The following HES7 variants were observed in gnomAD, a reference collection of about 807,000 sequenced individuals.
HES7 encodes the protein hes family bHLH transcription factor 7.
In HES7, 8 loss-of-function variants were observed where a neutral mutation model predicts 18.0. The observed-to-expected ratio is 0.45, with a 90% confidence interval of 0.26 to 0.80. The LOEUF is 0.80. Among genes scored for constraint, HES7 ranks in the 30% least tolerant of loss-of-function variants. The pLI, the probability that HES7 is intolerant of heterozygous loss-of-function variation, is 0.18. For missense variants in HES7, 356 were observed against 340.9 expected (o/e 1.04, Z -0.35); for synonymous variants, 170 against 158.6 (o/e 1.07, Z -0.54).
At chr17:8,125,755 G>T (rs571795253), upstream of HES7, among the ~76,000 whole-genome samples, 2 of 152,326 alleles carry the variant, frequency 1.3e-5, no homozygotes, top group Admixed American at 6.5e-5. Flanking sequence ...CGCATTGGTG[G>T]TTCAGTGGTA....
At position 8,122,481 on chromosome 17, in the gene HES7, G is replaced by A. The variant is rs1006983224; in HGVS notation, c.139-51C>T. On this transcript the variant is annotated intron_variant, in intron 2 of 3. Coordinates refer to ENST00000541682, the MANE Select transcript of HES7 (RefSeq NM_001165967.2). This position sits in a 1 kb window ranked among gnomAD's most constrained non-coding sequence, Gnocchi z 6.9. ...AGACAGAAAGGGGTGGGGAGAAAGGGGGAAAGTGGCAGGGGGAAGAAGGGA... is the reference window on the plus strand; with the variant it reads ...AGACAGAAAGGGGTGGGGAGAAAGGAGGAAAGTGGCAGGGGGAAGAAGGGA... The A allele has an allele frequency of 1.5e-6, 2 of 1,307,436 alleles. No homozygotes were observed. The highest frequency in any genetic ancestry group is 2.2e-6 in the Non-Finnish European group (2 of 925,894). The allele number at this position is 1,307,436 out of a possible 1,614,324, so 81.0% of individuals were successfully genotyped here. A position where few individuals can be genotyped will look rare whatever the true frequency, so the allele number is the denominator to read the frequency against.
chr17:8,121,449 G>A lies in HES7; in HGVS notation c.*122C>T. 1.4e-6 allele frequency: 1 copy of A among 728,394 alleles called. No homozygotes were observed. The highest frequency in any genetic ancestry group is 1.9e-6 in the Non-Finnish European group (1 of 521,542). The allele number at this position is 728,394 out of a possible 1,614,324, so 45.1% of individuals were successfully genotyped here. Reference sequence around the variant, plus strand: ...ATAGACCACATCTCACCCGCGCGCTGAGCCCGCGCGCCCCACTGCCCTCCC... The same window carrying A: ...ATAGACCACATCTCACCCGCGCGCTAAGCCCGCGCGCCCCACTGCCCTCCC... On this transcript the variant is annotated 3_prime_UTR_variant, in exon 4 of 4. Transcript: ENST00000541682.
At position 8,123,278 on chromosome 17, in the gene HES7, G is replaced by A. The variant is rs370580036; in HGVS notation, c.43-152C>T. On this transcript the variant is annotated intron_variant, in intron 1 of 3. Transcript: ENST00000541682. The surrounding 1 kb of genome is among the most constrained non-coding windows in gnomAD (Gnocchi z 5.9). ...GGCCGGCCCCATTCGATCCCTCTCCGCTCCCCCTCCCAATGCCCCTAGATC... is the reference window on the plus strand; with the variant it reads ...GGCCGGCCCCATTCGATCCCTCTCCACTCCCCCTCCCAATGCCCCTAGATC... 1 of 655,540 alleles carries A rather than the reference G, an allele frequency of 1.5e-6. No homozygotes were observed. Among genetic ancestry groups the A allele is most frequent in the South Asian group, 1.6e-5 (1 of 62,058 alleles). 40.6% of individuals were successfully genotyped at this position (655,540 alleles called of 1,614,324 possible). A position where few individuals can be genotyped will look rare whatever the true frequency, so the allele number is the denominator to read the frequency against.
upstream of HES7, among the ~76,000 whole-genome samples, chr17:8,126,591 G>T (rs1041938511): frequency 2.6e-5 from 4 of 152,194 alleles, no homozygotes; most frequent in Non-Finnish European, 5.9e-5. Flanking sequence ...GAGGGCGGGC[G>T]GGTGGGCGCA....
chr17:8,122,447 A>T lies in HES7; in HGVS notation c.139-17T>A. The T allele has an allele frequency of 6.7e-7, 1 of 1,498,000 alleles. No homozygotes were observed. Among genetic ancestry groups the T allele is most frequent in the Non-Finnish European group, 9.1e-7 (1 of 1,096,774 alleles). The allele number at this position is 1,498,000 out of a possible 1,614,324, so 92.8% of individuals were successfully genotyped here. A position where few individuals can be genotyped will look rare whatever the true frequency, so the allele number is the denominator to read the frequency against. ...CCGGAGGTTCTACAGACGGGAGGGG[A>T]GGGCGCAGAGACAGAAAGGGGTGGG... On this transcript the variant is annotated splice_polypyrimidine_tract_variant and intron_variant, in intron 2 of 3. Coordinates refer to ENST00000541682, the MANE Select transcript of HES7 (RefSeq NM_001165967.2). The surrounding 1 kb of genome is among the most constrained non-coding windows in gnomAD (Gnocchi z 6.9).
At chr17:8,125,812 A>C (rs1476451519), upstream of HES7, among the ~76,000 whole-genome samples, 2 of 152,214 alleles carry the variant, frequency 1.3e-5, no homozygotes, top group African/African-American at 4.8e-5. Context: ...TTCCCGGCCA[A>C]TGCACGAGTA....
At position 8,121,465 on chromosome 17, in the gene HES7, C is replaced by G. The variant is rs905830986; in HGVS notation, c.*106G>C. On this transcript the variant is annotated 3_prime_UTR_variant, in exon 4 of 4. Coordinates refer to ENST00000541682, the MANE Select transcript of HES7 (RefSeq NM_001165967.2). The stretch of plus-strand genomic sequence containing the variant: ...CCGCGCGCTGAGCCCGCGCGCCCCA[C>G]TGCCCTCCCCAACACCTGCTCGCCC... 2 of 1,011,344 alleles carry G rather than the reference C, an allele frequency of 2.0e-6. No homozygotes were observed. The highest frequency in any genetic ancestry group is 8.5e-5 in the Admixed American group (2 of 23,508). The allele number at this position is 1,011,344 out of a possible 1,614,324, so 62.6% of individuals were successfully genotyped here. A position where few individuals can be genotyped will look rare whatever the true frequency, so the allele number is the denominator to read the frequency against.
chr17:8,122,047 C>A lies in HES7; in HGVS notation c.227-10G>T. 1 of 1,496,130 alleles carries A rather than the reference C, an allele frequency of 6.7e-7. No homozygotes were observed. 92.7% of individuals were successfully genotyped at this position (1,496,130 alleles called of 1,614,324 possible). On this transcript the variant is annotated splice_polypyrimidine_tract_variant and intron_variant, in intron 3 of 3. Transcript: ENST00000541682. This position sits in a 1 kb window ranked among gnomAD's most constrained non-coding sequence, Gnocchi z 6.9. ...CCTGGAGCCGCGGCGGCTGGTGCGG[C>A]CGGCGGGAGCACAGGTGGGCAGGGC... is the stretch of plus-strand genomic sequence containing the variant.
At position 8,122,570 on chromosome 17, in the gene HES7, A is replaced by G; in HGVS notation, c.139-140T>C. On this transcript the variant is annotated intron_variant, in intron 2 of 3. Coordinates refer to ENST00000541682, the MANE Select transcript of HES7 (RefSeq NM_001165967.2). This position sits in a 1 kb window ranked among gnomAD's most constrained non-coding sequence, Gnocchi z 6.9. ...TTGCGCACTGCCCACAGAACGCGCG[A>G]CCAAATGCGGAGTGGAGATGACCAA... The G allele has an allele frequency of 1.5e-6, 1 of 676,512 alleles. No homozygotes were observed. The highest frequency in any genetic ancestry group is 2.7e-6 in the Non-Finnish European group (1 of 373,772). The allele number at this position is 676,512 out of a possible 1,614,324, so 41.9% of individuals were successfully genotyped here.
At position 8,122,559 on chromosome 17, in the gene HES7, C is replaced by G; in HGVS notation, c.139-129G>C. The G allele has an allele frequency of 1.4e-6, 1 of 701,470 alleles. No individual in the cohort carries two copies. Among genetic ancestry groups the G allele is most frequent in the Non-Finnish European group, 2.5e-6 (1 of 394,836 alleles). 43.5% of individuals were successfully genotyped at this position (701,470 alleles called of 1,614,324 possible). A position where few individuals can be genotyped will look rare whatever the true frequency, so the allele number is the denominator to read the frequency against. ...CCCGATCGCATTTGCGCACTGCCCA[C>G]AGAACGCGCGACCAAATGCGGAGTG... On this transcript the variant is annotated intron_variant, in intron 2 of 3. Coordinates refer to ENST00000541682, the MANE Select transcript of HES7 (RefSeq NM_001165967.2). This position sits in a 1 kb window ranked among gnomAD's most constrained non-coding sequence, Gnocchi z 6.9.
At position 8,121,651 on chromosome 17, in the gene HES7, G is replaced by A. The variant is rs1981329484; in HGVS notation, c.613C>T (p.Pro205Ser). The stretch of plus-strand genomic sequence containing the variant: ...CCGTCTTGTCTGTGAGGCGGCGGTG[G>A]CGGCGGCAGCAGTCCGGTGAGGGGC... ...PAPLTGLLPP[P>S]PPPHRQDGAP... Residue 205 changes from proline (P) to serine (S), a missense_variant, in exon 4 of 4, where the codon CCA becomes TCA. Pro to Ser is a moderately conservative substitution (Grantham distance 74). Transcript: ENST00000541682. The A allele has an allele frequency of 9.1e-6, 12 of 1,321,028 alleles. 1 individual carries two copies. In the East Asian group the frequency reaches 3.1e-4, roughly 34 times the overall value. 81.8% of individuals were successfully genotyped at this position (1,321,028 alleles called of 1,614,324 possible).
At chr17:8,126,355 C>T (rs1224167950), upstream of HES7, among the ~76,000 whole-genome samples, 2 of 152,208 alleles carry the variant, frequency 1.3e-5, no homozygotes, top group Non-Finnish European at 2.9e-5. Context: ...TCTCCTCCCT[C>T]CGCATCTCTG....
At position 8,122,838 on chromosome 17, in the gene HES7, G is replaced by A. The variant is rs2151854215; in HGVS notation, c.138+193C>T. On this transcript the variant is annotated intron_variant, in intron 2 of 3. Coordinates refer to ENST00000541682, the MANE Select transcript of HES7 (RefSeq NM_001165967.2). This position sits in a 1 kb window ranked among gnomAD's most constrained non-coding sequence, Gnocchi z 6.9. ...TACAGAACCAGGCGTGAAACTTACA[G>A]ACCCGAGGGGTGGCGAAGAAGATCG... Among the ~76,000 whole-genome samples the A allele has an allele frequency of 6.6e-6, 1 of 152,278 alleles. No individual in the cohort carries two copies. Among genetic ancestry groups the A allele is most frequent in the Middle Eastern group, 3.4e-3 (1 of 294 alleles).
Position 8,123,299 on chromosome 17 carries a change from A to G in HES7, c.43-173T>C, listed in dbSNP as rs928161530. On this transcript the variant is annotated intron_variant, in intron 1 of 3. Transcript: ENST00000541682. This position sits in a 1 kb window ranked among gnomAD's most constrained non-coding sequence, Gnocchi z 5.9. Reference sequence around the variant, plus strand: ...CTCCGCTCCCCCTCCCAATGCCCCTAGATCAGTTTCTGTAGCTCGCCTCCC... The same window carrying G: ...CTCCGCTCCCCCTCCCAATGCCCCTGGATCAGTTTCTGTAGCTCGCCTCCC... The G allele has an allele frequency of 1.1e-5, 7 of 627,072 alleles. No individual in the cohort carries two copies. Among genetic ancestry groups the G allele is most frequent in the African/African-American group, 1.8e-5 (1 of 54,382 alleles). The allele number at this position is 627,072 out of a possible 1,614,324, so 38.8% of individuals were successfully genotyped here. A position where few individuals can be genotyped will look rare whatever the true frequency, so the allele number is the denominator to read the frequency against.
At position 8,120,954 on chromosome 17, in the gene HES7, G is replaced by C. The variant is rs1044961511; in HGVS notation, c.*617C>G. The C allele has an allele frequency of 6.5e-6, 1 of 152,696 alleles. No homozygotes were observed. Among genetic ancestry groups the C allele is most frequent in the Non-Finnish European group, 1.5e-5 (1 of 68,058 alleles). 9.5% of individuals were successfully genotyped at this position (152,696 alleles called of 1,614,324 possible). A position where few individuals can be genotyped will look rare whatever the true frequency, so the allele number is the denominator to read the frequency against. ...CTGTGGCGCAATGGATAGCGCATTG[G>C]ACTTCTAGTGACGAATAGAGCAATT... On this transcript the variant is annotated 3_prime_UTR_variant, in exon 4 of 4. Coordinates refer to ENST00000541682, the MANE Select transcript of HES7 (RefSeq NM_001165967.2).
rs1981330810 is a variant in HES7 at position 8,121,663 on chromosome 17, G to A, written c.601C>T (p.Leu201=). The change falls in exon 4 of 4, where the codon CTG becomes TTG. Residue 201 remains leucine (L), a synonymous_variant. Coordinates refer to ENST00000541682, the MANE Select transcript of HES7 (RefSeq NM_001165967.2). ...TGAGGCGGCGGTGGCGGCGGCAGCA[G>A]TCCGGTGAGGGGCGCCGGCGCGCCA... ...DSGAPAPLTG[L]LPPPPPPHRQ... 1.5e-6 allele frequency: 2 copies of A among 1,326,530 alleles called. No homozygotes were observed. The highest frequency in any genetic ancestry group is 1.9e-6 in the Non-Finnish European group (2 of 1,045,954). The allele number at this position is 1,326,530 out of a possible 1,614,324, so 82.2% of individuals were successfully genotyped here. A position where few individuals can be genotyped will look rare whatever the true frequency, so the allele number is the denominator to read the frequency against.
Position 8,121,811 on chromosome 17 carries a change from G to T in HES7, c.453C>A (p.Ser151=). ...CAAGGGCCGGTGCGGCGGGGTCCAG[G>T]GATGGGCGCGGCGCTGGAGGCCTCG... ...VDPRPPAPRP[S]LDPAAPALGP... The change falls in exon 4 of 4, where the codon TCC becomes TCA. Residue 151 remains serine, a synonymous_variant. Transcript: ENST00000541682. The T allele has an allele frequency of 6.4e-7, 1 of 1,566,086 alleles. No individual in the cohort carries two copies. The highest frequency in any genetic ancestry group is 2.4e-5 in the East Asian group (1 of 41,116).
In HES7 at chr17:8,123,080, C is replaced by T. The variant is rs1205564106; in HGVS notation, c.89G>A (p.Arg30His). ...CAGCAGCCTCAGCTCTTCCAGGCTG[C>T]GGTTGATGCGGTCCCGGCGCCGCTT... ...VEKRRRDRIN[R>H]SLEELRLLLL... Residue 30 changes from arginine (R) to histidine (H), a missense_variant, in exon 2 of 4, where the codon CGC becomes CAC. By Grantham distance (29) the Arg-to-His change is conservative. Coordinates refer to ENST00000541682, the MANE Select transcript of HES7 (RefSeq NM_001165967.2). This position sits in a 1 kb window ranked among gnomAD's most constrained non-coding sequence, Gnocchi z 5.9. 4 of 1,606,676 alleles carry T rather than the reference C, an allele frequency of 2.5e-6. No individual in the cohort carries two copies. The highest frequency in any genetic ancestry group is 3.4e-5 in the Admixed American group (2 of 59,242).
upstream of HES7, among the ~76,000 whole-genome samples, chr17:8,125,414 C>T (rs1331358810): frequency 6.6e-6 from 1 of 152,238 alleles, no homozygotes; most frequent in African/African-American, 2.4e-5. Flanking sequence ...CATCCCACCT[C>T]TCCGTCCTTC....
Sources: allele counts gnomAD v4.1 joint callset (sites outside exome capture counted in the v4.1 genomes callset), GRCh38; gene constraint gnomAD v4.1.1; non-coding constraint Gnocchi (gnomAD v3.1); transcripts MANE v1.5; gene names NCBI Gene and HGNC (gene_info 2026-07-23, HGNC 2026-07-21).